Variants in PCDH11X observed in about 807,000 individuals in gnomAD.
The protein encoded by PCDH11X is protocadherin 11 X-linked.
PCDH11X carries 18 observed loss-of-function variants against 53.3 expected under a neutral mutation model. The ratio of observed to expected loss-of-function variants is 0.34; its 90% CI spans 0.23 to 0.50. The LOEUF is 0.50. Ranked by LOEUF, PCDH11X falls within the 20% of genes least tolerant of loss-of-function variation. PCDH11X has a pLI of 0.98. For missense variants in PCDH11X, 570 were observed against 1,032.4 expected, an observed-to-expected ratio of 0.55 and a Z score of 6.14; for synonymous variants, 279 against 393.3, an observed-to-expected ratio of 0.71 and a Z score of 3.44.
chrX:92,460,582 C>T (rs12559971), intron 9 of PCDH11X: 105,166 of 763,874 alleles, frequency 0.14, 5,698 homozygotes, highest in Middle Eastern at 0.15. Flanking sequence ...CCTTGGAGAT[C>T]GACCTGGACT....
At chrX:92,440,948 T>C in intron 9 of PCDH11X, among the ~76,000 whole-genome samples, 1 of 111,354 alleles carries the variant, frequency 9.0e-6, no homozygotes, top group South Asian at 3.8e-4. Context: ...CTGATAGTAA[T>C]ATGCACAATA....
chrX:92,574,767 A>G (rs34835694), intron 10 of PCDH11X, among the ~76,000 whole-genome samples: 5,928 of 110,726 alleles, frequency 0.054, 136 homozygotes, highest in South Asian at 0.19. Flanking sequence ...TTGCACATAC[A>G]TTTACAAAAA....
intron 6 of PCDH11X, among the ~76,000 whole-genome samples, chrX:92,061,456 T>C (rs2063523569): frequency 9.2e-6 from 1 of 108,635 alleles, no homozygotes. Flanking sequence ...AGTTTTCATA[T>C]GTTAGGTGTT....
At chrX:91,999,209 C>T (rs1260405899) in intron 6 of PCDH11X, among the ~76,000 whole-genome samples, 1 of 111,664 alleles carries the variant, frequency 9.0e-6, no homozygotes, top group Non-Finnish European at 1.9e-5. Flanking sequence ...GCCACCATCC[C>T]CAGCCTTAAT....
At chrX:92,330,326 A>T (rs1436170621) in intron 8 of PCDH11X, among the ~76,000 whole-genome samples, 1 of 111,272 alleles carries the variant, frequency 9.0e-6, no homozygotes, top group Non-Finnish European at 1.9e-5. Flanking sequence ...AGATATATGG[A>T]TGAAAAACAA....
chrX:91,912,553 G>A (rs1941405196), intron 6 of PCDH11X, among the ~76,000 whole-genome samples: 1 of 110,246 alleles, frequency 9.1e-6, no homozygotes, highest in Non-Finnish European at 1.9e-5. Context: ...TCATTCTGTT[G>A]ATATGATATA....
intron 6 of PCDH11X, among the ~76,000 whole-genome samples, chrX:92,181,836 C>T (rs4893307): frequency 0.42 from 46,921 of 111,226 alleles, 6,990 homozygotes; most frequent in Admixed American, 0.6. Flanking sequence ...AATGCCTGGA[C>T]GTCAAGGCAG....
intron 10 of PCDH11X, among the ~76,000 whole-genome samples, chrX:92,528,902 T>C (rs1386904068): frequency 2.2e-4 from 24 of 110,544 alleles, no homozygotes; most frequent in Admixed American, 8.7e-4. Context: ...TGTGACATTA[T>C]TAATTGGTGA....
At chrX:92,459,549 C>T in intron 9 of PCDH11X, 1 of 387,782 alleles carries the variant, frequency 2.6e-6, no homozygotes, top group Admixed American at 4.3e-5. Flanking sequence ...TTTACAATAG[C>T]TAAAAATAAA....
intron 9 of PCDH11X, among the ~76,000 whole-genome samples, chrX:92,405,986 G>A (rs1182878666): frequency 4.7e-5 from 5 of 106,485 alleles, no homozygotes; most frequent in African/African-American, 1.4e-4. Flanking sequence ...TCCCAGCTAC[G>A]CGGGAGGCTG....
chrX:92,417,699 A>G (rs2148610800), intron 9 of PCDH11X, among the ~76,000 whole-genome samples: 1 of 110,797 alleles, frequency 9.0e-6, no homozygotes, highest in African/African-American at 3.3e-5. Flanking sequence ...AAACTGTTAC[A>G]GGCTATGAAT....
chrX:91,853,514 T>A (rs1484798711), intron 5 of PCDH11X, among the ~76,000 whole-genome samples: 1 of 110,076 alleles, frequency 9.1e-6, no homozygotes, highest in Non-Finnish European at 1.9e-5. Flanking sequence ...GTAAAGGAAG[T>A]TTTATTATTT....
intron 6 of PCDH11X, among the ~76,000 whole-genome samples, chrX:92,068,948 A>T (rs903819761): frequency 2.4e-4 from 27 of 111,360 alleles, no homozygotes; most frequent in African/African-American, 8.5e-4. Flanking sequence ...AAAAATGTGC[A>T]TTCTGTAGCT....
At chrX:92,432,804 G>A (rs1461333663) in intron 9 of PCDH11X, among the ~76,000 whole-genome samples, 1 of 107,228 alleles carries the variant, frequency 9.3e-6, no homozygotes, top group Non-Finnish European at 1.9e-5. Context: ...TATAATTAGA[G>A]CTCTGAATCA....
rs1444347872 is a variant in PCDH11X at position 91,779,621 on chromosome X, G to A, written c.-442G>A. On this transcript the variant is annotated 5_prime_UTR_variant, in exon 1 of 11. Coordinates refer to ENST00000682573, the MANE Select transcript of PCDH11X (RefSeq NM_032968.5). ...CAGCAGTCGCAGTCTCCGTGGAGCGGGCGGAAGCCTTTTTTCTCCCTTTCG... is the reference window on the plus strand; with the variant it reads ...CAGCAGTCGCAGTCTCCGTGGAGCGAGCGGAAGCCTTTTTTCTCCCTTTCG... 1 of 97,597 alleles carries A rather than the reference G, an allele frequency of 1.0e-5. No individual in the cohort carries two copies. The highest frequency in any genetic ancestry group is 2.1e-5 in the Non-Finnish European group (1 of 48,182). 8.0% of individuals were successfully genotyped at this position (97,597 alleles called of 1,213,427 possible).
chrX:91,814,421 T>C lies in PCDH11X; in HGVS notation c.-45+3126T>C, dbSNP rs980187305. On this transcript the variant is annotated intron_variant, in intron 4 of 10. Coordinates refer to ENST00000682573, the MANE Select transcript of PCDH11X (RefSeq NM_032968.5). ...ATACCTTGAAAGCTGAATATAATCATTCGTCTTTTAAAATAAGCTTTTTAA... is the reference window on the plus strand; with the variant it reads ...ATACCTTGAAAGCTGAATATAATCACTCGTCTTTTAAAATAAGCTTTTTAA... 2.6e-4 allele frequency among the ~76,000 whole-genome samples: 29 copies of C among 110,387 alleles called. No homozygotes were observed. The Admixed American group carries it at 2.6e-3, about 10-fold the overall frequency.
chrX:92,235,497 T>G (rs759798783), intron 7 of PCDH11X, among the ~76,000 whole-genome samples: 62 of 111,679 alleles, frequency 5.6e-4, no homozygotes, highest in Non-Finnish European at 1.0e-3. Context: ...AACACAGGTG[T>G]TCCAAATTTG....
intron 8 of PCDH11X, among the ~76,000 whole-genome samples, chrX:92,316,689 T>C (rs2069083943): frequency 9.0e-6 from 1 of 111,129 alleles, no homozygotes; most frequent in African/African-American, 3.3e-5. Flanking sequence ...TTAGAACTCT[T>C]TACAAATAAC....
chrX:91,922,914 T>A (rs1280198583), intron 6 of PCDH11X, among the ~76,000 whole-genome samples: 2 of 111,148 alleles, frequency 1.8e-5, no homozygotes, highest in African/African-American at 6.5e-5. Context: ...TGCTAACTTT[T>A]AAGGCAAATT....
Sources: allele counts gnomAD v4.1 joint callset (sites outside exome capture counted in the v4.1 genomes callset), GRCh38; gene constraint gnomAD v4.1.1; transcripts MANE v1.5; gene names NCBI Gene and HGNC (gene_info 2026-07-23, HGNC 2026-07-21).